FREM1: variants seen among roughly 807,000 people sequenced by gnomAD.
FREM1 encodes the protein FRAS1-related extracellular matrix protein 1.
A neutral mutation model predicts 210.1 loss-of-function variants in FREM1; 220 were observed. That is an observed-to-expected ratio of 1.05 (90% confidence interval 0.94 to 1.17). The LOEUF is 1.17. FREM1 is among the 50% of genes most tolerant of loss of function. The pLI is 0.00. For missense variants in FREM1, 3,454 were observed against 2,675.5 expected (o/e 1.29, Z -6.42); for synonymous variants, 1,189 against 980.2 (o/e 1.21, Z -3.98).
intron 3 of FREM1, among the ~76,000 whole-genome samples, chr9:14,860,475 CT>C (rs1195992400): frequency 1.3e-5 from 2 of 151,190 alleles, no homozygotes; most frequent in African/African-American, 2.4e-5. Context: ...CATTCATCAG[CT>C]TTTTTTCTTT....
chr9:14,873,657 C>T, intron 1 of FREM1, among the ~76,000 whole-genome samples: 1 of 152,060 alleles, frequency 6.6e-6, no homozygotes, highest in Admixed American at 6.6e-5. Flanking sequence ...TTTTTTGTGT[C>T]TCTATTTCCT....
chr9:14,807,639 T>C (rs376242550), intron 17 of FREM1, among the ~76,000 whole-genome samples: 2 of 151,730 alleles, frequency 1.3e-5, no homozygotes, highest in South Asian at 2.1e-4. Context: ...TATTTGAGGA[T>C]TGCAATGTTG....
At chr9:14,861,689 T>C (rs1007534593) in intron 3 of FREM1, among the ~76,000 whole-genome samples, 1 of 151,930 alleles carries the variant, frequency 6.6e-6, no homozygotes, top group Admixed American at 6.6e-5. Context: ...GTATTTTTAG[T>C]AGAGATGGGG....
intron 25 of FREM1, among the ~76,000 whole-genome samples, chr9:14,773,142 G>A (rs970491304): frequency 2.6e-5 from 4 of 152,106 alleles, no homozygotes; most frequent in Admixed American, 1.3e-4. Context: ...AACTTGTGTT[G>A]TATTTACAGA....
Position 14,775,778 on chromosome 9 carries a change from T to G in FREM1, c.4857+11A>C. 1.9e-6 allele frequency: 3 copies of G among 1,585,870 alleles called. No homozygotes were observed. Among genetic ancestry groups the G allele is most frequent in the Non-Finnish European group, 2.6e-6 (3 of 1,156,490 alleles). On this transcript the variant is annotated intron_variant, in intron 25 of 36. Transcript: ENST00000380880. ...CATCTCTGGCAAATGAACTGTGTTT[T>G]TCATACTTGCCTGAATGGTGAATAA...
chr9:14,804,322 A>C (rs991689570), intron 19 of FREM1, among the ~76,000 whole-genome samples: 2 of 152,240 alleles, frequency 1.3e-5, no homozygotes, highest in African/African-American at 4.8e-5. Context: ...GCGGTGGCTC[A>C]TGCCTGTAAT....
intron 1 of FREM1, among the ~76,000 whole-genome samples, chr9:14,875,803 GT>G (rs1160372999): frequency 2.0e-5 from 3 of 152,094 alleles, no homozygotes; most frequent in Non-Finnish European, 4.4e-5. Context: ...CATCTTTGTG[GT>G]TTTATCTACT....
At chr9:14,837,370 G>A (rs1824826529) in intron 10 of FREM1, among the ~76,000 whole-genome samples, 1 of 151,874 alleles carries the variant, frequency 6.6e-6, no homozygotes, top group African/African-American at 2.4e-5. Context: ...CTGTACAGGG[G>A]AGCCTCTTCC....
intron 10 of FREM1, among the ~76,000 whole-genome samples, chr9:14,840,306 TGTAC>T (rs1283139629): frequency 6.6e-6 from 1 of 152,110 alleles, no homozygotes; most frequent in Non-Finnish European, 1.5e-5. Flanking sequence ...CCTAGCAAAA[TGTAC>T]GTACATAGTA....
chr9:14,871,668 A>G (rs1003342758), intron 1 of FREM1, among the ~76,000 whole-genome samples: 1 of 151,918 alleles, frequency 6.6e-6, no homozygotes, highest in African/African-American at 2.4e-5. Flanking sequence ...ATTAGATCCC[A>G]TTTGTCAATT....
chr9:14,763,316 G>A lies in FREM1; in HGVS notation c.5205-3415C>T, dbSNP rs111507873. ...CAGTCACGACAGCCAAAACTGTTTC[G>A]GGACCTTGACAAATGCTCCTTGGGA... On this transcript the variant is annotated intron_variant, in intron 27 of 36. Coordinates refer to ENST00000380880, the MANE Select transcript of FREM1 (RefSeq NM_001379081.2). Among the ~76,000 whole-genome samples the A allele has an allele frequency of 3.8e-3, 574 of 152,154 alleles. 6 individuals are homozygous for A. Among genetic ancestry groups the A allele is most frequent in the African/African-American group, 0.013 (544 of 41,488 alleles).
chr9:14,766,601 A>G (rs1846455944), intron 27 of FREM1, among the ~76,000 whole-genome samples: 1 of 151,952 alleles, frequency 6.6e-6, no homozygotes, highest in African/African-American at 2.4e-5. Flanking sequence ...ATCCTTCAGG[A>G]CTCCACAGGA....
intron 36 of FREM1, among the ~76,000 whole-genome samples, chr9:14,737,968 C>T (rs151114471): frequency 0.014 from 2,196 of 152,230 alleles, 25 homozygotes; most frequent in Middle Eastern, 0.041. Flanking sequence ...TATTATTATT[C>T]ATATCATCCT....
At chr9:14,759,586 T>C (rs551490823) in intron 28 of FREM1, among the ~76,000 whole-genome samples, 186 bp downstream of exon 28, 1 of 145,308 alleles carries the variant, frequency 6.9e-6, no homozygotes, top group Non-Finnish European at 1.5e-5. Flanking sequence ...TATCTCAGAG[T>C]TTATGAACTT....
At chr9:14,767,531 T>C (rs562282835) in intron 27 of FREM1, among the ~76,000 whole-genome samples, 1 of 152,286 alleles carries the variant, frequency 6.6e-6, no homozygotes, top group East Asian at 1.9e-4. Flanking sequence ...GACTCATAGG[T>C]GGTTCTGATG....
At chr9:14,749,206 C>G (rs530982203) in intron 30 of FREM1, among the ~76,000 whole-genome samples, 59 of 152,178 alleles carry the variant, frequency 3.9e-4, no homozygotes, top group African/African-American at 1.3e-3. Flanking sequence ...AAACCCTTGT[C>G]TGGGTATTTT....
intron 35 of FREM1, among the ~76,000 whole-genome samples, chr9:14,745,957 C>A (rs1159447173): frequency 2.0e-5 from 3 of 152,040 alleles, no homozygotes; most frequent in African/African-American, 7.2e-5. Context: ...ATTAAATGGG[C>A]AGGAATTCTT....
At chr9:14,869,275 CGA>C (rs1323203195) in intron 1 of FREM1, 31 bp from the exon 2 acceptor site, 3 of 308,950 alleles carry the variant, frequency 9.7e-6, no homozygotes, top group African/African-American at 2.1e-5. Context: ...TGGAGTAAAG[CGA>C]GAGAGAGACC....
chr9:14,860,904 C>CATATATACGTATATATACGTATAT lies in FREM1; in HGVS notation c.330-1421_330-1420insATATACGTATATATACGTATATAT, dbSNP rs1419382535. Among the ~76,000 whole-genome samples, 18 of 74,186 alleles carry CATATATACGTATATATACGTATAT rather than the reference C, an allele frequency of 2.4e-4. 1 individual carries two copies. The South Asian group carries it at 2.4e-3, about 10-fold the overall frequency. 48.7% of individuals were successfully genotyped at this position (74,186 alleles called of 152,430 possible). A position where few individuals can be genotyped will look rare whatever the true frequency, so the allele number is the denominator to read the frequency against. ...ATATACACATATATACATATATACA[C>CATATATACGTATATATACGTATAT]ATATACACATATACACATATATACA... On this transcript the variant is annotated intron_variant, in intron 3 of 36. Transcript: ENST00000380880.
Sources: allele counts gnomAD v4.1 joint callset (sites outside exome capture counted in the v4.1 genomes callset), GRCh38; gene constraint gnomAD v4.1.1; transcripts MANE v1.5; gene names NCBI Gene and HGNC (gene_info 2026-07-23, HGNC 2026-07-21).